Variants in SCAI observed in about 807,000 individuals in gnomAD.
SCAI encodes the protein suppressor of cancer cell invasion.
In SCAI, 24 loss-of-function variants were observed where a neutral mutation model predicts 92.2. The ratio of observed to expected loss-of-function variants is 0.26; its 90% confidence interval spans 0.19 to 0.37. The LOEUF (loss-of-function observed/expected upper bound fraction) is 0.37, where lower values mean the gene tolerates loss of function less well. Among genes scored for constraint, SCAI ranks in the 10% least tolerant of loss-of-function variants. SCAI has a pLI of 1.00. For synonymous variants in SCAI, 261 were observed against 258.6 expected, an observed-to-expected ratio of 1.01 and a Z score of -0.09; for missense variants, 450 against 736.2, an observed-to-expected ratio of 0.61 and a Z score of 4.50.
At chr9:124,981,162 G>T (rs1322794959) in intron 14 of SCAI, among the ~76,000 whole-genome samples, 1 of 152,140 alleles carries the variant, frequency 6.6e-6, no homozygotes, top group African/African-American at 2.4e-5. Context: ...ATTTGAACCA[G>T]ACATAGCTCA....
intron 2 of SCAI, among the ~76,000 whole-genome samples, chr9:125,115,876 T>C (rs1835035435): frequency 6.6e-6 from 1 of 152,184 alleles, no homozygotes; most frequent in Non-Finnish European, 1.5e-5. Context: ...AACAAAGACA[T>C]TTATTTGTAA....
chr9:125,015,096 C>T (rs898213719), intron 9 of SCAI, among the ~76,000 whole-genome samples: 8 of 150,984 alleles, frequency 5.3e-5, no homozygotes, highest in Admixed American at 2.0e-4. Flanking sequence ...AAAACCTAGG[C>T]ATTACCATTC....
At chr9:125,052,586 A>T (rs1190973720) in intron 3 of SCAI, among the ~76,000 whole-genome samples, 1 of 151,696 alleles carries the variant, frequency 6.6e-6, no homozygotes, top group Non-Finnish European at 1.5e-5. Context: ...TCGCACCATC[A>T]CACTCCAGCC....
chr9:124,953,879 AT>A lies in SCAI; in HGVS notation c.1675-927del, dbSNP rs775244733. On this transcript the variant is annotated intron_variant, in intron 17 of 17. Transcript: ENST00000336505. ...ACTCACTCACACATTACAAAAATAA[AT>A]TTTTTTTTTTGAGATAAAATCTCAC... 1.8e-3 allele frequency among the ~76,000 whole-genome samples: 277 copies of A among 149,944 alleles called. 2 individuals are homozygous for A. Among genetic ancestry groups the A allele is most frequent in the Non-Finnish European group, 2.6e-3 (177 of 67,236 alleles).
chr9:125,125,838 A>G (rs1243890812), intron 2 of SCAI, among the ~76,000 whole-genome samples: 1 of 151,508 alleles, frequency 6.6e-6, no homozygotes, highest in Non-Finnish European at 1.5e-5. Context: ...TCTCAAAAAA[A>G]AAAAAAAAAA....
chr9:125,088,434 T>C (rs1024409301), intron 2 of SCAI, among the ~76,000 whole-genome samples: 5 of 152,178 alleles, frequency 3.3e-5, no homozygotes, highest in South Asian at 4.1e-4. Flanking sequence ...ACCTCCCCAC[T>C]GTTCTCTCTT....
chr9:124,962,150 CTTTT>C (rs752939056), intron 17 of SCAI, among the ~76,000 whole-genome samples: 118 of 63,590 alleles, frequency 1.9e-3, no homozygotes, highest in African/African-American at 7.4e-3. Flanking sequence ...TAATATATGT[CTTTT>C]TTTTTTTTTT....
chr9:125,132,696 C>T (rs1347735052), intron 2 of SCAI, among the ~76,000 whole-genome samples: 1 of 151,892 alleles, frequency 6.6e-6, no homozygotes, highest in Non-Finnish European at 1.5e-5. Context: ...CAGGCTGGTG[C>T]GGTGGCTCAT....
chr9:125,128,549 C>T (rs538948123), intron 2 of SCAI, among the ~76,000 whole-genome samples: 9 of 150,686 alleles, frequency 6.0e-5, no homozygotes, highest in Non-Finnish European at 1.3e-4. Flanking sequence ...GTCAGGAGAT[C>T]GAGACCATCC....
chr9:125,082,599 G>A (rs1384833780), intron 2 of SCAI, among the ~76,000 whole-genome samples: 1 of 152,178 alleles, frequency 6.6e-6, no homozygotes, highest in African/African-American at 2.4e-5. Flanking sequence ...CAGCCGGGAG[G>A]GACACTATAC....
chr9:125,009,678 T>G (rs563147014), intron 9 of SCAI, among the ~76,000 whole-genome samples: 1 of 150,290 alleles, frequency 6.7e-6, no homozygotes, highest in South Asian at 2.1e-4. Context: ...CACCTGAGGC[T>G]AGGAGTTTGA....
chr9:125,043,113 C>T (rs1475079104), intron 3 of SCAI, among the ~76,000 whole-genome samples: 1 of 152,018 alleles, frequency 6.6e-6, no homozygotes, highest in African/African-American at 2.4e-5. Context: ...AGTGATCCAC[C>T]TGCCCTGGCT....
chr9:124,970,671 T>C (rs1831641052), intron 17 of SCAI, among the ~76,000 whole-genome samples: 1 of 151,958 alleles, frequency 6.6e-6, no homozygotes, highest in Admixed American at 6.6e-5. Flanking sequence ...TGCAGTGAGC[T>C]GAGATCGAGT....
At chr9:125,040,649 CAG>C (rs1833301066) in intron 3 of SCAI, among the ~76,000 whole-genome samples, 1 of 151,858 alleles carries the variant, frequency 6.6e-6, no homozygotes, top group Non-Finnish European at 1.5e-5. Context: ...TATTTAGAGA[CAG>C]AGTCTCACTC....
intron 2 of SCAI, among the ~76,000 whole-genome samples, chr9:125,065,099 G>C (rs922080652): frequency 1.2e-4 from 18 of 151,864 alleles, no homozygotes; most frequent in African/African-American, 4.4e-4. Context: ...AGAAAATAGA[G>C]GGCAATAAAT....
intron 14 of SCAI, among the ~76,000 whole-genome samples, chr9:124,981,602 C>T (rs540940991): frequency 5.3e-5 from 8 of 151,970 alleles, no homozygotes; most frequent in East Asian, 1.9e-4. Flanking sequence ...ATGACTGTTA[C>T]GAAAGCATGT....
Position 125,063,368 on chromosome 9 carries a change from A to C in SCAI, c.99-7361T>G, listed in dbSNP as rs555610021. On this transcript the variant is annotated intron_variant, in intron 2 of 17. Coordinates refer to ENST00000336505, the MANE Select transcript of SCAI (RefSeq NM_001144877.3). ...CTCTAGCCTAGGTGACAGAGTGAGA[A>C]TCAATCTCAAAGGAGGAAAAAAAAA... Among the ~76,000 whole-genome samples the C allele has an allele frequency of 4.0e-5, 6 of 151,504 alleles. No individual in the cohort carries two copies. The East Asian group carries it at 7.7e-4, about 20-fold the overall frequency.
Position 125,070,815 on chromosome 9 carries a change from G to C in SCAI, c.99-14808C>G, listed in dbSNP as rs574048329. 2.0e-5 allele frequency among the ~76,000 whole-genome samples: 3 copies of C among 152,282 alleles called. No homozygotes were observed. In the South Asian group the frequency reaches 6.2e-4, roughly 32 times the overall value. On this transcript the variant is annotated intron_variant, in intron 2 of 17. Transcript: ENST00000336505. Reference sequence around the variant, plus strand: ...ATCCCAAGGTAGGAGGAACACTTGAGGCCAAGAGTTCAAGACTAGCTTGGG... The same window carrying C: ...ATCCCAAGGTAGGAGGAACACTTGACGCCAAGAGTTCAAGACTAGCTTGGG...
At chr9:124,957,241 C>A (rs1165548891) in intron 17 of SCAI, among the ~76,000 whole-genome samples, 3 of 152,114 alleles carry the variant, frequency 2.0e-5, no homozygotes, top group African/African-American at 7.2e-5. Context: ...GATCTGCCTG[C>A]CTCAGCTTCC....
Sources: gnomAD v4.1 joint callset for allele counts (sites outside exome capture counted in the v4.1 genomes callset) on GRCh38, gnomAD v4.1.1 for gene constraint, MANE v1.5 for transcripts, NCBI Gene and HGNC (gene_info 2026-07-23, HGNC 2026-07-21) for gene names.